ABL1: variants seen among roughly 807,000 people sequenced by gnomAD.
ABL1 encodes the protein ABL proto-oncogene 1, non-receptor tyrosine kinase, also known as tyrosine-protein kinase ABL1.
A neutral mutation model predicts 94.7 loss-of-function variants in ABL1; 11 were observed. That is an observed-to-expected ratio of 0.12 (90% CI 0.07 to 0.19). The LOEUF is 0.19. Ranked by LOEUF, ABL1 falls within the 10% of genes least tolerant of loss-of-function variation. The pLI, the probability that ABL1 is intolerant of heterozygous loss-of-function variation, is 1.00. For missense variants in ABL1, 1,082 were observed against 1,489.4 expected (o/e 0.73, Z 4.50); for synonymous variants, 656 against 622.4 (o/e 1.05, Z -0.80).
At chr9:130,829,673 T>A (rs987864799) in intron 1 of ABL1, among the ~76,000 whole-genome samples, 2 of 147,998 alleles carry the variant, frequency 1.4e-5, no homozygotes, top group Non-Finnish European at 3.0e-5. Flanking sequence ...TGAGGGAAAA[T>A]GGTGATAGGT....
At chr9:130,731,044 T>C (rs2132693591) in intron 1 of ABL1, among the ~76,000 whole-genome samples, 1 of 135,776 alleles carries the variant, frequency 7.4e-6, no homozygotes, top group East Asian at 2.3e-4. Flanking sequence ...TCTTGCTCTG[T>C]CACTCAGGCT....
intron 1 of ABL1, among the ~76,000 whole-genome samples, chr9:130,746,875 G>A (rs1831895022): frequency 6.6e-6 from 1 of 152,096 alleles, no homozygotes; most frequent in South Asian, 2.1e-4. Flanking sequence ...CACTGTTCTG[G>A]AGGCCAGAAA....
At chr9:130,857,392 G>A (rs924449252) in intron 3 of ABL1, among the ~76,000 whole-genome samples, 2 of 152,194 alleles carry the variant, frequency 1.3e-5, no homozygotes, top group African/African-American at 2.4e-5. Context: ...GTAAAGAATG[G>A]CATCTCATTA....
chr9:130,847,101 A>AT (rs1030702304), intron 1 of ABL1, among the ~76,000 whole-genome samples: 19 of 152,002 alleles, frequency 1.2e-4, no homozygotes, highest in African/African-American at 3.1e-4. Flanking sequence ...CTAATTAGTG[A>AT]TTTTTTCTGA....
chr9:130,875,626 A>G (rs1831327602), intron 7 of ABL1, among the ~76,000 whole-genome samples: 1 of 151,938 alleles, frequency 6.6e-6, no homozygotes, highest in Non-Finnish European at 1.5e-5. Flanking sequence ...ATTGTCTCCC[A>G]TGGTGTGATT....
chr9:130,720,626 G>A (rs1564267459), intron 1 of ABL1, among the ~76,000 whole-genome samples: 1 of 152,180 alleles, frequency 6.6e-6, no homozygotes, highest in Non-Finnish European at 1.5e-5. Context: ...GGAAGGCCTT[G>A]GAGAATTTTC....
intron 1 of ABL1, among the ~76,000 whole-genome samples, chr9:130,747,516 T>C (rs538517422): frequency 6.6e-6 from 1 of 152,214 alleles, no homozygotes; most frequent in South Asian, 2.1e-4. Flanking sequence ...TGGGTTCAAG[T>C]GATTCTCCTG....
intron 1 of ABL1, among the ~76,000 whole-genome samples, chr9:130,825,018 G>T (rs1294891848): frequency 1.3e-5 from 2 of 152,164 alleles, no homozygotes; most frequent in Non-Finnish European, 2.9e-5. Context: ...ATGGTTTGAA[G>T]AAATAAACAT....
chr9:130,724,073 G>T (rs1192029684), intron 1 of ABL1, among the ~76,000 whole-genome samples: 1 of 152,090 alleles, frequency 6.6e-6, no homozygotes, highest in Non-Finnish European at 1.5e-5. Context: ...GCCTTCCAAA[G>T]TGCTGGGATT....
intron 1 of ABL1, among the ~76,000 whole-genome samples, chr9:130,783,435 C>A (rs1372578278): frequency 6.6e-6 from 1 of 151,914 alleles, no homozygotes; most frequent in East Asian, 1.9e-4. Context: ...TAACGGGGGA[C>A]CAAAAGGATA....
intron 1 of ABL1, among the ~76,000 whole-genome samples, chr9:130,750,431 CCCTCCCTCCCTCCCTCCTTT>C (rs1831947815): frequency 2.6e-4 from 7 of 26,916 alleles, no homozygotes; most frequent in Admixed American, 2.5e-3. Flanking sequence ...CTCCCTCCCT[CCCTCCCTCCCTCCCTCCTTT>C]CCTCACTCCC....
chr9:130,778,822 C>T (rs1829712755), intron 1 of ABL1, among the ~76,000 whole-genome samples: 1 of 151,796 alleles, frequency 6.6e-6, no homozygotes, highest in South Asian at 2.1e-4. Context: ...TGACCGGGAG[C>T]CCCAGAGGCA....
chr9:130,775,656 A>G (rs1223203002), intron 1 of ABL1, among the ~76,000 whole-genome samples: 4 of 152,268 alleles, frequency 2.6e-5, no homozygotes, highest in East Asian at 1.9e-4. Flanking sequence ...ATGAGAGACA[A>G]TATTTGAGGA....
chr9:130,796,777 CAAA>C (rs753488139), intron 1 of ABL1, among the ~76,000 whole-genome samples: 1 of 146,518 alleles, frequency 6.8e-6, no homozygotes, highest in Non-Finnish European at 1.5e-5. Context: ...AAAAAAAAAA[CAAA>C]AAAACTTTTT....
chr9:130,852,250 C>T (rs956343486), intron 1 of ABL1, among the ~76,000 whole-genome samples: 2 of 152,072 alleles, frequency 1.3e-5, no homozygotes, highest in African/African-American at 2.4e-5. Flanking sequence ...AGTGCAGAGA[C>T]GAGATCTCAG....
At chr9:130,816,961 C>T (rs1830295627) in intron 1 of ABL1, among the ~76,000 whole-genome samples, 1 of 152,020 alleles carries the variant, frequency 6.6e-6, no homozygotes, top group Admixed American at 6.5e-5. Context: ...CCGCCTTGGC[C>T]TCCCAAAGTG....
In ABL1 at chr9:130,884,315, G is replaced by C. The variant is rs1831524231; in HGVS notation, c.2025G>C (p.Glu675Asp). 2.5e-6 allele frequency: 4 copies of C among 1,611,718 alleles called. No individual in the cohort carries two copies. Among genetic ancestry groups the C allele is most frequent in the Non-Finnish European group, 3.4e-6 (4 of 1,179,308 alleles). ...GAGVPNGALR[E>D]SGGSGFRSPH... ...GGGTCCCCAATGGAGCCCTCCGGGAGTCCGGGGGCTCAGGCTTCCGGTCTC... is the reference window on the plus strand; with the variant it reads ...GGGTCCCCAATGGAGCCCTCCGGGACTCCGGGGGCTCAGGCTTCCGGTCTC... Residue 675 changes from glutamate to aspartate, a missense_variant, in exon 11 of 11, where the codon GAG becomes GAC. Physicochemically the swap from Glu to Asp is conservative, Grantham distance 45. This residue lies in a region of ABL1 where 780 missense variants were observed against 835.8 expected (regional missense o/e 0.93). Transcript: ENST00000318560. The surrounding 1 kb of genome is among the most constrained non-coding windows in gnomAD (Gnocchi z 5.6).
chr9:130,881,615 C>T (rs1187469026), intron 10 of ABL1, among the ~76,000 whole-genome samples: 1 of 152,176 alleles, frequency 6.6e-6, no homozygotes, highest in African/African-American at 2.4e-5. Flanking sequence ...CCTGACCCCA[C>T]CGTTGACACG....
intron 1 of ABL1, among the ~76,000 whole-genome samples, chr9:130,784,973 C>T (rs1360724008): frequency 6.6e-6 from 1 of 152,180 alleles, no homozygotes; most frequent in Non-Finnish European, 1.5e-5. Context: ...GGGCAAAAGC[C>T]CCAGTGCCTT....
Sources: allele counts gnomAD v4.1 joint callset (sites outside exome capture counted in the v4.1 genomes callset), GRCh38; gene constraint gnomAD v4.1.1; regional missense constraint gnomAD v4.1.1; non-coding constraint Gnocchi (gnomAD v3.1); transcripts MANE v1.5; gene names NCBI Gene and HGNC (gene_info 2026-07-23, HGNC 2026-07-21).